Variants in RAB38 observed in about 807,000 individuals in gnomAD.
The protein encoded by RAB38 is RAB38, member RAS oncogene family.
RAB38 carries 15 observed loss-of-function variants against 18.4 expected under a neutral mutation model. The ratio of observed to expected loss-of-function variants is 0.82; its 90% CI spans 0.55 to 1.26. The LOEUF (loss-of-function observed/expected upper bound fraction) is 1.26, where lower values mean the gene tolerates loss of function less well. Among genes scored for constraint, RAB38 ranks in the 50% most tolerant of loss-of-function variants. The probability of loss-of-function intolerance (pLI) is 0.00; values close to 1 mark genes in which losing one functional copy is unlikely to be tolerated. For missense variants in RAB38, 294 were observed against 267.4 expected (o/e 1.10, Z -0.69); for synonymous variants, 101 against 104.4 (o/e 0.97, Z 0.20).
At chr11:88,145,185 A>T (rs12285001) in intron 2 of RAB38, among the ~76,000 whole-genome samples, 82,807 of 151,352 alleles carry the variant, frequency 0.55, 23,392 homozygotes, top group African/African-American at 0.68. Flanking sequence ...GTTTTGCTCA[A>T]GTCGCCCAGG....
the RAB38 span, among the ~76,000 whole-genome samples, chr11:87,838,421 A>G: frequency 6.6e-6 from 1 of 152,116 alleles, no homozygotes; most frequent in Admixed American, 6.5e-5. Context: ...GTCTACTTAC[A>G]TTCATTTTTA....
chr11:88,026,619 C>A, the RAB38 span, among the ~76,000 whole-genome samples: 9 of 149,936 alleles, frequency 6.0e-5, no homozygotes, highest in Admixed American at 6.0e-4. Context: ...ACCTCATGAT[C>A]CGCCCGCCTC....
the RAB38 span, among the ~76,000 whole-genome samples, chr11:87,893,336 T>TAC: frequency 3.5e-5 from 5 of 141,802 alleles, no homozygotes; most frequent in Non-Finnish European, 6.1e-5. Context: ...ATATATATTT[T>TAC]ACACACACAC....
the RAB38 span, among the ~76,000 whole-genome samples, chr11:87,881,368 T>C: frequency 6.6e-6 from 1 of 151,888 alleles, no homozygotes; most frequent in Non-Finnish European, 1.5e-5. Flanking sequence ...TATCCAGTTG[T>C]TAATAAAGCA....
chr11:87,856,828 G>C, the RAB38 span, among the ~76,000 whole-genome samples: 1 of 152,112 alleles, frequency 6.6e-6, no homozygotes, highest in Non-Finnish European at 1.5e-5. Flanking sequence ...AGGCTTATCT[G>C]TACTTGATTG....
At chr11:87,878,222 T>TATATATACAC in the RAB38 span, among the ~76,000 whole-genome samples, 2,006 of 116,192 alleles carry the variant, frequency 0.017, 269 homozygotes, top group African/African-American at 0.069. Flanking sequence ...TATATATATA[T>TATATATACAC]ACACACATAT....
At chr11:87,955,888 CACACACACACACACACAA>C in the RAB38 span, among the ~76,000 whole-genome samples, 4 of 136,868 alleles carry the variant, frequency 2.9e-5, no homozygotes, top group African/African-American at 1.1e-4. Context: ...CACACACACA[CACACACACACACACACAA>C]GTAGGACAGA....
chr11:87,939,828 G>C, the RAB38 span, among the ~76,000 whole-genome samples: 19 of 152,136 alleles, frequency 1.2e-4, no homozygotes, highest in African/African-American at 4.3e-4. Context: ...GGAGGCAGAG[G>C]CTACAGTGAG....
chr11:87,893,371 C>CATATATATATATATATATATATATAT, the RAB38 span, among the ~76,000 whole-genome samples: 1 of 86,446 alleles, frequency 1.2e-5, no homozygotes, highest in Non-Finnish European at 2.2e-5. Context: ...ATATATTTTA[C>CATATATATATATATATATATATATAT]ATATATATAT....
chr11:87,866,647 T>C, the RAB38 span, among the ~76,000 whole-genome samples: 1 of 151,746 alleles, frequency 6.6e-6, no homozygotes, highest in African/African-American at 2.4e-5. Context: ...TAAATGTATA[T>C]TGAACTCCTA....
the RAB38 span, among the ~76,000 whole-genome samples, chr11:87,836,752 C>T: frequency 6.6e-6 from 1 of 152,128 alleles, no homozygotes; most frequent in African/African-American, 2.4e-5. Context: ...TCTTTGCCTC[C>T]TTCTGTGATC....
the RAB38 span, among the ~76,000 whole-genome samples, chr11:87,857,869 T>G: frequency 6.6e-6 from 1 of 152,210 alleles, no homozygotes; most frequent in Non-Finnish European, 1.5e-5. Context: ...TTAGTTTAAT[T>G]AGATCCCATT....
At chr11:88,017,656 C>A in the RAB38 span, among the ~76,000 whole-genome samples, 3 of 148,184 alleles carry the variant, frequency 2.0e-5, no homozygotes. Context: ...TGGACAATTT[C>A]AGCTCTGTCT....
the RAB38 span, among the ~76,000 whole-genome samples, chr11:87,816,685 T>C: frequency 4.3e-4 from 66 of 152,174 alleles, 2 homozygotes; most frequent in South Asian, 0.012. Flanking sequence ...GATATATACA[T>C]ACGTGTGTGT....
At chr11:88,121,564 C>CT (rs1348318736) in intron 2 of RAB38, among the ~76,000 whole-genome samples, 2 of 150,886 alleles carry the variant, frequency 1.3e-5, no homozygotes, top group African/African-American at 2.4e-5. Flanking sequence ...CCCTGCTGCT[C>CT]TTTTTTTGTT....
At chr11:88,038,152 C>A in the RAB38 span, among the ~76,000 whole-genome samples, 1 of 152,148 alleles carries the variant, frequency 6.6e-6, no homozygotes, top group Admixed American at 6.5e-5. Context: ...TTTTCAGTTA[C>A]ATGACCCAAG....
the RAB38 span, among the ~76,000 whole-genome samples, chr11:88,023,568 C>A: frequency 9.2e-5 from 14 of 151,886 alleles, no homozygotes; most frequent in Middle Eastern, 3.2e-3. Context: ...TCTATAGAAT[C>A]ACAAAAGGAC....
At chr11:87,846,841 T>C in the RAB38 span, among the ~76,000 whole-genome samples, 75 of 152,178 alleles carry the variant, frequency 4.9e-4, no homozygotes, top group African/African-American at 1.4e-3. Context: ...AAGTGCATTC[T>C]CTCATCAGGG....
the RAB38 span, among the ~76,000 whole-genome samples, chr11:87,906,010 C>G: frequency 4.3e-4 from 65 of 152,112 alleles, no homozygotes; most frequent in African/African-American, 1.5e-3. Context: ...TGCCTCAGAG[C>G]TGAAAGCTGG....
Sources: allele counts gnomAD v4.1 joint callset (sites outside exome capture counted in the v4.1 genomes callset), GRCh38; gene constraint gnomAD v4.1.1; transcripts MANE v1.5; gene names NCBI Gene and HGNC (gene_info 2026-07-23, HGNC 2026-07-21).